The following NAV2 variants were observed in gnomAD, a reference collection of about 807,000 sequenced individuals.
NAV2 encodes the protein neuron navigator 2.
In NAV2, 54 loss-of-function variants were observed where a neutral mutation model predicts 223.2. The observed-to-expected ratio is 0.24, with a 90% CI of 0.19 to 0.30. The LOEUF (loss-of-function observed/expected upper bound fraction) is 0.30, where lower values mean the gene tolerates loss of function less well. NAV2 is among the 10% of genes least tolerant of loss of function. The pLI is 1.00. For synonymous variants in NAV2, 1,279 were observed against 1,239.3 expected (o/e 1.03, Z -0.67); for missense variants, 2,806 against 3,147.5 (o/e 0.89, Z 2.60).
chr11:19,523,209 A>T (rs1382653771), intron 1 of NAV2, among the ~76,000 whole-genome samples: 1 of 151,780 alleles, frequency 6.6e-6, no homozygotes, highest in Non-Finnish European at 1.5e-5. Context: ...CTCCACACGA[A>T]CTCCCTTCTC....
chr11:19,479,038 G>C (rs1216551938), intron 1 of NAV2, among the ~76,000 whole-genome samples: 1 of 152,150 alleles, frequency 6.6e-6, no homozygotes, highest in Non-Finnish European at 1.5e-5. Context: ...ATTTTCATGG[G>C]GTTGCCCCAG....
In NAV2 at chr11:20,100,896, T is replaced by C. The variant is rs910183208; in HGVS notation, c.6182-41T>C. On this transcript the variant is annotated intron_variant, in intron 31 of 37. Transcript: ENST00000349880. ...TAGGCAAGCACAGAGAGCTGCCTTT[T>C]CTACAGGGCTTCAGATGATTCCTGT... The C allele has an allele frequency of 3.2e-6, 5 of 1,577,066 alleles. No homozygotes were observed. The African/African-American group carries it at 6.7e-5, about 21-fold the overall frequency.
At chr11:19,745,074 G>A (rs941986570) in intron 1 of NAV2, among the ~76,000 whole-genome samples, 1 of 152,174 alleles carries the variant, frequency 6.6e-6, no homozygotes, top group Non-Finnish European at 1.5e-5. Flanking sequence ...GGGTTGTACT[G>A]TCACCAGCAC....
intron 4 of NAV2, among the ~76,000 whole-genome samples, chr11:19,870,531 C>T (rs1047519279): frequency 2.0e-5 from 3 of 152,056 alleles, no homozygotes; most frequent in African/African-American, 7.3e-5. Context: ...GTAGTGACCC[C>T]TGGCTACTCA....
chr11:19,859,137 CTTTTTT>C lies in NAV2; in HGVS notation c.439-9771_439-9766del, dbSNP rs569446282. On this transcript the variant is annotated intron_variant, in intron 3 of 37. Coordinates refer to ENST00000349880, the MANE Select transcript of NAV2 (RefSeq NM_145117.5). ...ATGGAGGAGTCCAAAATCATATTCTCTTTTTTTTTTTTTTTTTTTTTTATTGATCAT... is the reference window on the plus strand; with the variant it reads ...ATGGAGGAGTCCAAAATCATATTCTCTTTTTTTTTTTTTTTTATTGATCAT... 1.5e-3 allele frequency among the ~76,000 whole-genome samples: 157 copies of C among 107,104 alleles called. 2 individuals carry two copies. The highest frequency in any genetic ancestry group is 0.013 in the South Asian group (29 of 2,320). 70.3% of individuals were successfully genotyped at this position (107,104 alleles called of 152,430 possible).
At chr11:19,499,007 G>A (rs927018497) in intron 1 of NAV2, among the ~76,000 whole-genome samples, 4 of 152,186 alleles carry the variant, frequency 2.6e-5, no homozygotes, top group Non-Finnish European at 1.5e-5. Context: ...TTGAAATTAA[G>A]TCCACGGTCA....
intron 1 of NAV2, among the ~76,000 whole-genome samples, chr11:19,814,306 G>A (rs772430718): frequency 4.6e-5 from 7 of 152,182 alleles, no homozygotes; most frequent in Non-Finnish European, 5.9e-5. Context: ...TTGAAGGAGG[G>A]ACTTGCTTGG....
intron 11 of NAV2, among the ~76,000 whole-genome samples, chr11:19,987,562 T>C (rs1353388777): frequency 6.6e-6 from 1 of 152,372 alleles, no homozygotes; most frequent in Admixed American, 6.5e-5. Context: ...GACGCTGGCC[T>C]ACCAGGCAGA....
intron 16 of NAV2, among the ~76,000 whole-genome samples, chr11:20,050,672 A>G (rs1401266680): frequency 6.6e-6 from 1 of 152,028 alleles, no homozygotes; most frequent in Non-Finnish European, 1.5e-5. Context: ...TTAGAAATCC[A>G]AGTGCTTTGA....
chr11:19,877,551 C>T (rs1215966837), intron 4 of NAV2, among the ~76,000 whole-genome samples: 1 of 140,962 alleles, frequency 7.1e-6, no homozygotes, highest in Non-Finnish European at 1.5e-5. Flanking sequence ...TGGCTCACTG[C>T]AAGCTCCGCC....
At chr11:19,954,855 A>ACGTG (rs61011697) in intron 10 of NAV2, among the ~76,000 whole-genome samples, 4 of 150,796 alleles carry the variant, frequency 2.7e-5, no homozygotes, top group East Asian at 1.9e-4. Flanking sequence ...ATGTGAGTAT[A>ACGTG]TGTGTGTGTG....
rs1490580178 is a variant in NAV2, at chr11:19,806,661, G to A, written c.268-25823G>A. Among the ~76,000 whole-genome samples, 5 of 152,172 alleles carry A rather than the reference G, an allele frequency of 3.3e-5. 1 individual carries two copies. The highest frequency in any genetic ancestry group is 2.6e-4 in the Admixed American group (4 of 15,276). On this transcript the variant is annotated intron_variant, in intron 1 of 37. Coordinates refer to ENST00000349880, the MANE Select transcript of NAV2 (RefSeq NM_145117.5). ...TAAAGTGGAGATTCATTTCTAAAGA[G>A]GGGATGGAGAATTTCTTTTGGTATT...
At chr11:19,582,369 A>G (rs934758907) in intron 1 of NAV2, among the ~76,000 whole-genome samples, 2 of 152,118 alleles carry the variant, frequency 1.3e-5, no homozygotes, top group Admixed American at 6.5e-5. Context: ...CTTTAGTTTA[A>G]TTAGATCCCA....
intron 1 of NAV2, among the ~76,000 whole-genome samples, chr11:19,362,936 G>C (rs1195151070): frequency 6.6e-6 from 1 of 152,136 alleles, no homozygotes. Flanking sequence ...AACACGTTTT[G>C]TATATCAGAC....
intron 1 of NAV2, among the ~76,000 whole-genome samples, chr11:19,593,814 C>T (rs2046127795): frequency 6.6e-6 from 1 of 152,170 alleles, no homozygotes; most frequent in Non-Finnish European, 1.5e-5. Context: ...CATTTTTTCA[C>T]TGCTTATTTG....
chr11:20,097,687 G>C lies in NAV2; in HGVS notation c.6123G>C (p.Glu2041Asp), dbSNP rs982455617. ...GCAGCAACACTTCCGAAACACCGGA[G>C]CTGCTTCCTTGTGGCTATCTGGTTG... Reference protein sequence around the residue: ...IKRSNTSETPELLPCGYLVGE... With the variant: ...IKRSNTSETPDLLPCGYLVGE... The change falls in exon 31 of 38, where the codon GAG (glutamate) becomes GAC (aspartate). Residue 2041 changes from glutamate (E) to aspartate (D), a missense_variant. By Grantham distance (45) the Glu-to-Asp change is conservative. Transcript: ENST00000349880. 1 of 1,613,026 alleles carries C rather than the reference G, an allele frequency of 6.2e-7. No homozygotes were observed. Among genetic ancestry groups the C allele is most frequent in the East Asian group, 2.2e-5 (1 of 44,848 alleles).
chr11:19,583,556 A>G (rs1252842350), intron 1 of NAV2, among the ~76,000 whole-genome samples: 1 of 152,218 alleles, frequency 6.6e-6, no homozygotes, highest in Non-Finnish European at 1.5e-5. Flanking sequence ...TGTCCCATCA[A>G]TACCTAATTT....
chr11:19,892,104 G>A (rs2041547612), intron 5 of NAV2, among the ~76,000 whole-genome samples: 1 of 152,124 alleles, frequency 6.6e-6, no homozygotes, highest in Non-Finnish European at 1.5e-5. Context: ...GATTATAGGT[G>A]CCCACCACCA....
intron 1 of NAV2, among the ~76,000 whole-genome samples, chr11:19,801,865 T>G (rs2058285949): frequency 6.6e-6 from 1 of 152,174 alleles, no homozygotes; most frequent in Admixed American, 6.5e-5. Flanking sequence ...CAGTGATAAG[T>G]GCATATAAAG....
Sources: allele counts gnomAD v4.1 joint callset (sites outside exome capture counted in the v4.1 genomes callset), GRCh38; gene constraint gnomAD v4.1.1; transcripts MANE v1.5; gene names NCBI Gene and HGNC (gene_info 2026-07-23, HGNC 2026-07-21).